The following PRKCA variants were observed in gnomAD, a reference collection of about 807,000 sequenced individuals.
PRKCA encodes the protein protein kinase C alpha.
Under a neutral mutation model 87.0 loss-of-function variants are expected in PRKCA, and 27 were observed. The ratio of observed to expected loss-of-function variants is 0.31; its 90% CI spans 0.23 to 0.43. The LOEUF (loss-of-function observed/expected upper bound fraction) is 0.43, where lower values mean the gene tolerates loss of function less well. Ranked by LOEUF, PRKCA falls within the 20% of genes least tolerant of loss-of-function variation. PRKCA has a pLI of 1.00. For synonymous variants in PRKCA, 329 were observed against 311.1 expected (o/e 1.06, Z -0.61); for missense variants, 518 against 852.3 (o/e 0.61, Z 4.88).
intron 2 of PRKCA, among the ~76,000 whole-genome samples, chr17:66,378,504 C>G (rs1567798327): frequency 1.3e-5 from 2 of 152,072 alleles, no homozygotes; most frequent in Non-Finnish European, 2.9e-5. Context: ...AACCCCAGAC[C>G]CCTTAGCAAT....
At chr17:66,388,853 G>A (rs977270345) in intron 2 of PRKCA, among the ~76,000 whole-genome samples, 5 of 152,152 alleles carry the variant, frequency 3.3e-5, no homozygotes, top group African/African-American at 1.2e-4. Flanking sequence ...TCATTGGTCC[G>A]CAGAGCCGTG....
At chr17:66,457,957 A>G (rs1914646456) in intron 2 of PRKCA, among the ~76,000 whole-genome samples, 1 of 152,134 alleles carries the variant, frequency 6.6e-6, no homozygotes, top group Admixed American at 6.5e-5. Flanking sequence ...ACAGAGTAGA[A>G]AAATGAAGCC....
At chr17:66,520,306 A>T (rs531687801) in intron 3 of PRKCA, among the ~76,000 whole-genome samples, 1 of 152,054 alleles carries the variant, frequency 6.6e-6, no homozygotes, top group South Asian at 2.1e-4. Flanking sequence ...CTTTTAGTAG[A>T]GATGAGGTTT....
At chr17:66,398,206 A>G (rs905054540) in intron 2 of PRKCA, 1 of 152,184 alleles carries the variant, frequency 6.6e-6, no homozygotes, top group Non-Finnish European at 1.5e-5. Context: ...TCCAAGCTCA[A>G]TATCTCTGAG....
intron 3 of PRKCA, among the ~76,000 whole-genome samples, chr17:66,615,303 A>C (rs575905819): frequency 1.5e-4 from 23 of 152,132 alleles, no homozygotes; most frequent in African/African-American, 5.1e-4. Flanking sequence ...CCCAGCTCAA[A>C]TGAGGGTTCT....
At chr17:66,310,567 T>C (rs535670699) in intron 2 of PRKCA, among the ~76,000 whole-genome samples, 57 of 152,322 alleles carry the variant, frequency 3.7e-4, no homozygotes, top group African/African-American at 1.3e-3. Context: ...CCCTTTGATA[T>C]TTTGTTTTGA....
chr17:66,367,114 A>G (rs1908775936), intron 2 of PRKCA, among the ~76,000 whole-genome samples: 1 of 152,226 alleles, frequency 6.6e-6, no homozygotes, highest in Non-Finnish European at 1.5e-5. Flanking sequence ...GGCATTTATA[A>G]CTGGCCTCAA....
intron 13 of PRKCA, among the ~76,000 whole-genome samples, chr17:66,767,035 A>G (rs913587271): frequency 6.6e-6 from 1 of 152,188 alleles, no homozygotes; most frequent in Non-Finnish European, 1.5e-5. Flanking sequence ...CCCAGTATCA[A>G]TGTATTTGAA....
chr17:66,328,304 C>G (rs1204696773), intron 2 of PRKCA, among the ~76,000 whole-genome samples: 1 of 152,102 alleles, frequency 6.6e-6, no homozygotes, highest in African/African-American at 2.4e-5. Context: ...CTCCTGGCCT[C>G]AAGCTATGAT....
At chr17:66,640,830 C>A in intron 3 of PRKCA, 1 of 384,334 alleles carries the variant, frequency 2.6e-6, no homozygotes, top group South Asian at 1.9e-5. Flanking sequence ...CAAATTTCAC[C>A]CCATAAATAG....
chr17:66,800,110 T>C (rs1975866891), intron 16 of PRKCA, among the ~76,000 whole-genome samples: 1 of 152,252 alleles, frequency 6.6e-6, no homozygotes, highest in Admixed American at 6.5e-5. Context: ...TGGTTCAGTT[T>C]CTACTGTTCG....
chr17:66,603,006 CCTT>C (rs1320243490), intron 3 of PRKCA, among the ~76,000 whole-genome samples: 1 of 152,204 alleles, frequency 6.6e-6, no homozygotes, highest in East Asian at 1.9e-4. Context: ...TAAACCCTGT[CCTT>C]CTCACCCTTC....
intron 2 of PRKCA, among the ~76,000 whole-genome samples, chr17:66,460,740 G>C (rs2874010): frequency 0.064 from 9,698 of 152,208 alleles, 1,030 homozygotes; most frequent in African/African-American, 0.22. Flanking sequence ...GCAGAACTGC[G>C]TCCCCATTAT....
chr17:66,773,495 C>CTT (rs59316874), intron 13 of PRKCA, among the ~76,000 whole-genome samples: 5 of 124,650 alleles, frequency 4.0e-5, no homozygotes, highest in South Asian at 2.7e-4. Context: ...CTGGCTTTTC[C>CTT]TTTTTTTTTT....
chr17:66,342,454 A>C (rs79789372), intron 2 of PRKCA, among the ~76,000 whole-genome samples: 47 of 100,224 alleles, frequency 4.7e-4, no homozygotes, highest in African/African-American at 2.0e-3. Flanking sequence ...TAATAATAAT[A>C]ATAATAATAA....
intron 6 of PRKCA, among the ~76,000 whole-genome samples, chr17:66,687,771 G>A (rs1449682936): frequency 6.6e-6 from 1 of 152,196 alleles, no homozygotes; most frequent in Non-Finnish European, 1.5e-5. Context: ...GGGTTGCCAG[G>A]ATTTCAGAGG....
chr17:66,351,114 T>C (rs112980482), intron 2 of PRKCA, among the ~76,000 whole-genome samples: 124 of 152,338 alleles, frequency 8.1e-4, no homozygotes, highest in Middle Eastern at 3.4e-3. Flanking sequence ...GTATTCCCCA[T>C]CGTGTGGTGC....
chr17:66,671,146 G>A (rs138911325), intron 5 of PRKCA, among the ~76,000 whole-genome samples: 2,720 of 142,114 alleles, frequency 0.019, 82 homozygotes, highest in African/African-American at 0.065. Context: ...GGGAGGCAGA[G>A]GTTGCAGTGA....
chr17:66,655,111 G>A (rs1971700460), intron 5 of PRKCA, among the ~76,000 whole-genome samples: 2 of 152,214 alleles, frequency 1.3e-5, no homozygotes, highest in South Asian at 2.1e-4. Flanking sequence ...ACAGGAAAGT[G>A]CGTCTTAGCT....
Sources: allele counts gnomAD v4.1 joint callset (sites outside exome capture counted in the v4.1 genomes callset), GRCh38; gene constraint gnomAD v4.1.1; transcripts MANE v1.5; gene names NCBI Gene and HGNC (gene_info 2026-07-23, HGNC 2026-07-21).